The following ME1 variants were observed in gnomAD, a reference collection of about 807,000 sequenced individuals.
The protein encoded by ME1 is malic enzyme 1, also known as NADP-dependent malic enzyme.
A neutral mutation model predicts 66.4 loss-of-function variants in ME1; 74 were observed. The ratio of observed to expected loss-of-function variants is 1.11; its 90% confidence interval spans 0.92 to 1.35. ME1 has a LOEUF of 1.35. ME1 is among the 40% of genes most tolerant of loss of function. The pLI is 0.00. For missense variants in ME1, 750 were observed against 694.1 expected (o/e 1.08, Z -0.90); for synonymous variants, 251 against 235.6 (o/e 1.07, Z -0.60).
intron 6 of ME1, among the ~76,000 whole-genome samples, chr6:83,283,189 C>G (rs1222301637): frequency 2.4e-5 from 3 of 127,340 alleles, no homozygotes. Context: ...GATCGCGCCA[C>G]TGCACTCCAG....
At chr6:83,371,576 C>G (rs1769194179) in intron 3 of ME1, among the ~76,000 whole-genome samples, 1 of 152,122 alleles carries the variant, frequency 6.6e-6, no homozygotes, top group African/African-American at 2.4e-5. Context: ...ATAAGCCATA[C>G]AGACAGACTT....
chr6:83,374,912 G>A (rs1480164704), intron 3 of ME1, among the ~76,000 whole-genome samples: 2 of 152,262 alleles, frequency 1.3e-5, no homozygotes, highest in East Asian at 3.9e-4. Flanking sequence ...TTAGAGATGT[G>A]TGGTCTTATT....
chr6:83,395,480 C>CTTT (rs202031901), intron 3 of ME1, among the ~76,000 whole-genome samples: 2 of 141,224 alleles, frequency 1.4e-5, no homozygotes, highest in Admixed American at 7.1e-5. Context: ...TAAATCTTTT[C>CTTT]TTTTTTTTTT....
chr6:83,278,630 T>A (rs571856908), intron 6 of ME1, among the ~76,000 whole-genome samples: 66 of 151,880 alleles, frequency 4.3e-4, no homozygotes, highest in African/African-American at 1.5e-3. Flanking sequence ...TTTTTTTTTT[T>A]AATTTCTTGT....
At chr6:83,412,582 A>C (rs1770072693) in intron 1 of ME1, among the ~76,000 whole-genome samples, 2 of 152,230 alleles carry the variant, frequency 1.3e-5, no homozygotes, top group African/African-American at 4.8e-5. Flanking sequence ...ATAATTGCAA[A>C]TAATTTGAAA....
intron 2 of ME1, among the ~76,000 whole-genome samples, chr6:83,402,560 G>T (rs924223217): frequency 6.6e-6 from 1 of 152,160 alleles, no homozygotes; most frequent in African/African-American, 2.4e-5. Context: ...TGTGCTGACT[G>T]GGAAAAATTG....
intron 11 of ME1, among the ~76,000 whole-genome samples, chr6:83,224,246 G>A (rs1024643556): frequency 2.6e-5 from 4 of 151,984 alleles, no homozygotes; most frequent in Non-Finnish European, 5.9e-5. Flanking sequence ...TTCTATATAG[G>A]CTTCCAATTA....
rs540160265 is a variant in ME1, at chr6:83,394,748, T to A, written c.362+3619A>T. On this transcript the variant is annotated intron_variant, in intron 3 of 13. Transcript: ENST00000369705. ...TCAGAGCCAAAAGTAGAAAGACATATGCAACTTGAACTTTTGTTATTGCTG... is the reference window on the plus strand; with the variant it reads ...TCAGAGCCAAAAGTAGAAAGACATAAGCAACTTGAACTTTTGTTATTGCTG... Among the ~76,000 whole-genome samples the A allele has an allele frequency of 2.6e-5, 4 of 152,322 alleles. No individual in the cohort carries two copies. The South Asian group carries it at 8.3e-4, about 32-fold the overall frequency.
At chr6:83,340,949 GACA>G (rs1370512071) in intron 5 of ME1, among the ~76,000 whole-genome samples, 3 of 151,772 alleles carry the variant, frequency 2.0e-5, no homozygotes, top group Non-Finnish European at 4.4e-5. Context: ...GGTGACAGTT[GACA>G]AGCATTCAAC....
intron 7 of ME1, among the ~76,000 whole-genome samples, chr6:83,243,333 AATT>A (rs1266429836): frequency 1.4e-5 from 2 of 139,666 alleles, no homozygotes; most frequent in African/African-American, 2.6e-5. Flanking sequence ...TATAAAATAT[AATT>A]ATATTATATT....
At chr6:83,219,858 G>A (rs1279731493) in intron 12 of ME1, among the ~76,000 whole-genome samples, 1 of 151,640 alleles carries the variant, frequency 6.6e-6, no homozygotes, top group Non-Finnish European at 1.5e-5. Context: ...AAAGTGTTGG[G>A]ATTACAGACG....
intron 5 of ME1, among the ~76,000 whole-genome samples, chr6:83,329,611 CTGTG>C (rs1768366906): frequency 6.6e-6 from 1 of 152,168 alleles, no homozygotes; most frequent in Non-Finnish European, 1.5e-5. Flanking sequence ...ATGTGTGTCT[CTGTG>C]TGGCACATAG....
chr6:83,382,765 G>A (rs1300402992), intron 3 of ME1, among the ~76,000 whole-genome samples: 1 of 151,970 alleles, frequency 6.6e-6, no homozygotes, highest in Admixed American at 6.6e-5. Context: ...GAGTAGAGTT[G>A]GAAAACATAA....
intron 6 of ME1, among the ~76,000 whole-genome samples, chr6:83,306,332 G>C (rs955577038): frequency 1.3e-5 from 2 of 151,818 alleles, no homozygotes; most frequent in Admixed American, 6.6e-5. Flanking sequence ...AGATTATTTT[G>C]AAATCATAAT....
chr6:83,294,623 G>A (rs1344942577), intron 6 of ME1, among the ~76,000 whole-genome samples: 1 of 152,140 alleles, frequency 6.6e-6, no homozygotes, highest in Admixed American at 6.6e-5. Flanking sequence ...AAGCCCTTCT[G>A]CCACTGCCTC....
chr6:83,312,731 G>C (rs527374628), intron 6 of ME1, among the ~76,000 whole-genome samples: 1 of 152,116 alleles, frequency 6.6e-6, no homozygotes, highest in South Asian at 2.1e-4. Context: ...CCTCCAAAGA[G>C]GTTTATCCCA....
intron 6 of ME1, among the ~76,000 whole-genome samples, chr6:83,311,361 T>C (rs1452987258): frequency 6.6e-6 from 1 of 152,152 alleles, no homozygotes; most frequent in Non-Finnish European, 1.5e-5. Context: ...GGCACTCTCC[T>C]GAGATACAGG....
At chr6:83,287,080 T>G (rs189286945) in intron 6 of ME1, among the ~76,000 whole-genome samples, 1 of 152,202 alleles carries the variant, frequency 6.6e-6, no homozygotes, top group Non-Finnish European at 1.5e-5. Context: ...ACTGTTTTTA[T>G]GAAAATTTTC....
intron 7 of ME1, among the ~76,000 whole-genome samples, chr6:83,244,886 T>C (rs1385349537): frequency 6.6e-6 from 1 of 152,008 alleles, no homozygotes; most frequent in Non-Finnish European, 1.5e-5. Flanking sequence ...TAAAAGAGCA[T>C]ATACTTACCT....
Sources: allele counts gnomAD v4.1 joint callset (sites outside exome capture counted in the v4.1 genomes callset), GRCh38; gene constraint gnomAD v4.1.1; transcripts MANE v1.5; gene names NCBI Gene and HGNC (gene_info 2026-07-23, HGNC 2026-07-21).